Variants in LATS1 observed in about 807,000 individuals in gnomAD.
The protein encoded by LATS1 is serine/threonine-protein kinase LATS1.
LATS1 carries 25 observed loss-of-function variants against 106.6 expected under a neutral mutation model. The observed-to-expected ratio is 0.23, with a 90% CI of 0.17 to 0.33. The LOEUF is 0.33. Among genes scored for constraint, LATS1 ranks in the 10% least tolerant of loss-of-function variants. The pLI, the probability that LATS1 is intolerant of heterozygous loss-of-function variation, is 1.00. For missense variants in LATS1, 1,040 were observed against 1,382.6 expected, an observed-to-expected ratio of 0.75 and a Z score of 3.93; for synonymous variants, 465 against 455.6, an observed-to-expected ratio of 1.02 and a Z score of -0.26.
intron 2 of LATS1, among the ~76,000 whole-genome samples, chr6:149,700,872 C>A (rs1340487684): frequency 6.6e-6 from 1 of 152,204 alleles, no homozygotes; most frequent in Non-Finnish European, 1.5e-5. Flanking sequence ...TAACCTCTGC[C>A]TCCCGGGTTC....
chr6:149,666,389 G>A (rs1365790442), intron 7 of LATS1, among the ~76,000 whole-genome samples: 1 of 151,838 alleles, frequency 6.6e-6, no homozygotes, highest in Admixed American at 6.6e-5. Context: ...AGGCTGAGGC[G>A]GGCAGATCAC....
intron 2 of LATS1, among the ~76,000 whole-genome samples, chr6:149,699,518 T>A (rs1490739387): frequency 1.3e-5 from 2 of 152,184 alleles, no homozygotes; most frequent in Admixed American, 1.3e-4. Context: ...TACTTCATTA[T>A]TTGGACAAAC....
chr6:149,674,641 T>C lies in LATS1; in HGVS notation c.2883+1619A>G, dbSNP rs551009296. ...TGTCTGCCACGACCTTGCAAAGTGTTGGGATTACAGGTGTGAACCACTGCA... is the reference window on the plus strand; with the variant it reads ...TGTCTGCCACGACCTTGCAAAGTGTCGGGATTACAGGTGTGAACCACTGCA... On this transcript the variant is annotated intron_variant, in intron 7 of 7. Transcript: ENST00000543571. 1.4e-4 allele frequency among the ~76,000 whole-genome samples: 21 copies of C among 148,974 alleles called. No homozygotes were observed. The East Asian group carries it at 3.2e-3, about 23-fold the overall frequency.
chr6:149,667,791 C>G (rs1348765894), intron 7 of LATS1, among the ~76,000 whole-genome samples: 1 of 152,140 alleles, frequency 6.6e-6, no homozygotes, highest in Non-Finnish European at 1.5e-5. Flanking sequence ...TTGAAAGCAA[C>G]TAGAGAAACA....
chr6:149,683,669 T>TTGC lies in LATS1; in HGVS notation c.1417_1419dup (p.Ala473dup), dbSNP rs780053011. 12 of 1,614,196 alleles carry TTGC rather than the reference T, an allele frequency of 7.4e-6. No homozygotes were observed. The East Asian group carries it at 2.7e-4, about 36-fold the overall frequency. ...GAAGGCTGAGAATTAGCAGAGTGAC[T>TTGC]TGCTCTATTTCCTAATGGGTTATTA... On this transcript the variant is annotated inframe_insertion, in exon 4 of 8. Coordinates refer to ENST00000543571, the MANE Select transcript of LATS1 (RefSeq NM_004690.4).
intron 7 of LATS1, 69 bp downstream of exon 7, chr6:149,676,191 A>T (rs1224074611): frequency 9.5e-7 from 1 of 1,048,064 alleles, no homozygotes; most frequent in Non-Finnish European, 1.5e-6. Context: ...TGCTCTACGT[A>T]CTAATAAATA....
chr6:149,673,678 CT>C (rs146560879), intron 7 of LATS1, among the ~76,000 whole-genome samples: 347 of 142,656 alleles, frequency 2.4e-3, no homozygotes, highest in Middle Eastern at 3.7e-3. Context: ...CTTTTTTTTC[CT>C]TTTTTTTTTT....
intron 7 of LATS1, among the ~76,000 whole-genome samples, chr6:149,662,791 C>T (rs1025034466): frequency 1.3e-5 from 2 of 151,508 alleles, no homozygotes; most frequent in Non-Finnish European, 2.9e-5. Flanking sequence ...AAGCGAGACC[C>T]CCTCTCTACA....
chr6:149,675,886 A>G (rs1157767495), intron 7 of LATS1: 1 of 198,908 alleles, frequency 5.0e-6, no homozygotes, highest in Non-Finnish European at 1.0e-5. Flanking sequence ...GATATATGAT[A>G]TATGAGTATG....
rs1781965103 is a variant in LATS1 at position 149,680,352 on chromosome 6, C to T, written c.2116G>A (p.Val706Met). 6.2e-7 allele frequency: 1 copy of T among 1,613,966 alleles called. No individual in the cohort carries two copies. The highest frequency in any genetic ancestry group is 1.1e-5 in the South Asian group (1 of 91,080). ...KRAKMDKSMF[V>M]KIKTLGIGAF... ...CCTATTCCTAGTGTCTTTATCTTCA[C>T]AAACATAGACTTGTCCATTTTAGCC... Residue 706 changes from valine to methionine, a missense_variant, in exon 5 of 8, where the codon GTG becomes ATG. By Grantham distance (21) the Val-to-Met change is conservative. Around this residue, in one of 7 missense-constraint regions of LATS1, gnomAD observed 167 missense variants for 332.1 expected, o/e 0.50. Coordinates refer to ENST00000543571, the MANE Select transcript of LATS1 (RefSeq NM_004690.4).
At position 149,659,746 on chromosome 6, in the gene LATS1, G is replaced by C. The variant is rs376018501; in HGVS notation, c.*1983C>G. 4.9e-5 allele frequency: 11 copies of C among 226,148 alleles called. No homozygotes were observed. Among genetic ancestry groups the C allele is most frequent in the Non-Finnish European group, 8.8e-5 (10 of 113,832 alleles). 14.0% of individuals were successfully genotyped at this position (226,148 alleles called of 1,614,324 possible). A position where few individuals can be genotyped will look rare whatever the true frequency, so the allele number is the denominator to read the frequency against. On this transcript the variant is annotated 3_prime_UTR_variant, in exon 8 of 8. Coordinates refer to ENST00000543571, the MANE Select transcript of LATS1 (RefSeq NM_004690.4). ...TTCTTGAACTACTTTGTTTTGCATA[G>C]GATTTTATGGGACTAACCAAATGTT...
chr6:149,662,397 C>T (rs1333669203), intron 7 of LATS1, among the ~76,000 whole-genome samples, 159 bp from the exon 8 acceptor site: 1 of 152,146 alleles, frequency 6.6e-6, no homozygotes, highest in African/African-American at 2.4e-5. Context: ...CCCATCCTCT[C>T]CAAGCAACTT....
chr6:149,684,672 T>C (rs1782263964), intron 3 of LATS1, 80 bp from the exon 4 acceptor site: 1 of 959,580 alleles, frequency 1.0e-6, no homozygotes, highest in Admixed American at 2.6e-5. Context: ...CTTGCAATTC[T>C]GATATTACAA....
At position 149,694,827 on chromosome 6, in the gene LATS1, GCAGTATTAC is replaced by G. The variant is rs1264390876; in HGVS notation, c.496+238_496+246del. On this transcript the variant is annotated intron_variant, in intron 3 of 7. Coordinates refer to ENST00000543571, the MANE Select transcript of LATS1 (RefSeq NM_004690.4). ...GAGGGAAAATAGACATATTTCAGCT[GCAGTATTAC>G]CAATCAAATAGATCTCAATCTAGAC... is the stretch of plus-strand genomic sequence containing the variant. 3.9e-5 allele frequency among the ~76,000 whole-genome samples: 6 copies of G among 152,268 alleles called. No homozygotes were observed. In the East Asian group the frequency reaches 1.2e-3, roughly 29 times the overall value.
intron 5 of LATS1, 87 bp downstream of exon 5, chr6:149,679,788 C>T: frequency 4.0e-6 from 4 of 996,302 alleles, no homozygotes; most frequent in Non-Finnish European, 5.8e-6. Flanking sequence ...TGGCTCTCAT[C>T]CAGTGATGAT....
chr6:149,698,374 T>C (rs1284493658), intron 2 of LATS1, among the ~76,000 whole-genome samples: 1 of 151,130 alleles, frequency 6.6e-6, no homozygotes, highest in East Asian at 2.0e-4. Flanking sequence ...TCCTAAGTGG[T>C]TGGGGACTAC....
At chr6:149,690,966 T>C (rs1174963935) in intron 3 of LATS1, among the ~76,000 whole-genome samples, 1 of 152,186 alleles carries the variant, frequency 6.6e-6, no homozygotes, top group Non-Finnish European at 1.5e-5. Flanking sequence ...ACATCCTCAC[T>C]CTCTCCTCCA....
At chr6:149,663,883 T>C (rs1355473787) in intron 7 of LATS1, among the ~76,000 whole-genome samples, 2 of 151,686 alleles carry the variant, frequency 1.3e-5, no homozygotes, top group East Asian at 1.9e-4. Flanking sequence ...TCTCGGCTCA[T>C]TGCAACCTCT....
intron 1 of LATS1, among the ~76,000 whole-genome samples, chr6:149,704,593 T>C (rs1783648533): frequency 1.3e-5 from 2 of 151,392 alleles, no homozygotes; most frequent in South Asian, 4.2e-4. Context: ...CTCATCCTCC[T>C]GCCTAAGCCT....
Sources: gnomAD v4.1 joint callset for allele counts (sites outside exome capture counted in the v4.1 genomes callset) on GRCh38, gnomAD v4.1.1 for gene constraint, gnomAD v4.1.1 regional missense constraint, MANE v1.5 for transcripts, NCBI Gene and HGNC (gene_info 2026-07-23, HGNC 2026-07-21) for gene names.